Variants in CRPPA observed in about 807,000 individuals in gnomAD.
CRPPA encodes the protein CDP-L-ribitol pyrophosphorylase A, also known as D-ribitol-5-phosphate cytidylyltransferase.
Under a neutral mutation model 52.0 loss-of-function variants are expected in CRPPA, and 43 were observed. The observed-to-expected ratio is 0.83, with a 90% confidence interval of 0.65 to 1.07. CRPPA has a LOEUF of 1.07. Among genes scored for constraint, CRPPA ranks in the 50% least tolerant of loss-of-function variants. The probability of loss-of-function intolerance (pLI) is 0.00; values close to 1 mark genes in which losing one functional copy is unlikely to be tolerated. For missense variants in CRPPA, 629 were observed against 551.7 expected (o/e 1.14, Z -1.40); for synonymous variants, 250 against 203.5 (o/e 1.23, Z -1.94).
In CRPPA at chr7:16,088,220, G is replaced by T. The variant is rs80341455; in HGVS notation, c.*3475C>A. 19 of 152,024 alleles carry T rather than the reference G, an allele frequency of 1.2e-4. No homozygotes were observed. Among genetic ancestry groups the T allele is most frequent in the African/African-American group, 4.3e-4 (18 of 41,386 alleles). 9.4% of individuals were successfully genotyped at this position (152,024 alleles called of 1,614,324 possible). On this transcript the variant is annotated 3_prime_UTR_variant, in exon 10 of 10. Transcript: ENST00000407010. The stretch of plus-strand genomic sequence containing the variant: ...TTTAATTTGCATTTAACTAACTAGC[G>T]TAAGTTTAGAAAGAAAACCATTTTG...
At chr7:16,342,799 C>CAGA (rs1230068209) in intron 3 of CRPPA, among the ~76,000 whole-genome samples, 1 of 104,466 alleles carries the variant, frequency 9.6e-6, no homozygotes. Context: ...ATATATATAT[C>CAGA]TATATAGATA....
chr7:16,389,558 C>G (rs1041385412), intron 2 of CRPPA, among the ~76,000 whole-genome samples: 2 of 152,032 alleles, frequency 1.3e-5, no homozygotes, highest in African/African-American at 4.8e-5. Flanking sequence ...TCCAACACCC[C>G]TTTGTGAGAA....
intron 3 of CRPPA, among the ~76,000 whole-genome samples, chr7:16,359,156 C>G (rs1786379119): frequency 1.3e-5 from 2 of 152,172 alleles, no homozygotes; most frequent in African/African-American, 4.8e-5. Flanking sequence ...GAGTCTCCCT[C>G]TGTCACCCAA....
intron 9 of CRPPA, among the ~76,000 whole-genome samples, chr7:16,149,197 C>A (rs1783028993): frequency 1.3e-5 from 2 of 152,122 alleles, no homozygotes; most frequent in Admixed American, 1.3e-4. Flanking sequence ...TTGGAAGGAA[C>A]TGGGTTGACT....
At chr7:16,368,218 A>C (rs1216866113) in intron 3 of CRPPA, among the ~76,000 whole-genome samples, 1 of 152,212 alleles carries the variant, frequency 6.6e-6, no homozygotes, top group Non-Finnish European at 1.5e-5. Context: ...AATCCACTGG[A>C]CCAATCCGTG....
chr7:16,288,690 T>C (rs1191591213), intron 5 of CRPPA, among the ~76,000 whole-genome samples: 2 of 150,784 alleles, frequency 1.3e-5, no homozygotes, highest in Non-Finnish European at 3.0e-5. Context: ...CTGCTAAACA[T>C]ACAAAAATTA....
intron 9 of CRPPA, among the ~76,000 whole-genome samples, chr7:16,115,312 G>A (rs1183403605): frequency 6.6e-6 from 1 of 152,142 alleles, no homozygotes; most frequent in Non-Finnish European, 1.5e-5. Context: ...GCTATGTTGA[G>A]TAAGATATAT....
chr7:16,395,276 A>G (rs1787541162), intron 2 of CRPPA, among the ~76,000 whole-genome samples: 1 of 152,230 alleles, frequency 6.6e-6, no homozygotes, highest in South Asian at 2.1e-4. Flanking sequence ...AAAATGTGGA[A>G]TAATAAACCC....
chr7:16,394,241 G>C (rs1449381231), intron 2 of CRPPA, among the ~76,000 whole-genome samples: 1 of 152,022 alleles, frequency 6.6e-6, no homozygotes, highest in Non-Finnish European at 1.5e-5. Flanking sequence ...GAAAACAAAT[G>C]TCCATCACCT....
At chr7:16,410,261 T>C (rs1337057971) in intron 1 of CRPPA, among the ~76,000 whole-genome samples, 1 of 152,192 alleles carries the variant, frequency 6.6e-6, no homozygotes, top group Non-Finnish European at 1.5e-5. Flanking sequence ...AAGAACAATC[T>C]GTAGTAAACT....
intron 9 of CRPPA, among the ~76,000 whole-genome samples, chr7:16,206,167 A>G (rs1389259935): frequency 1.3e-5 from 2 of 152,160 alleles, no homozygotes; most frequent in African/African-American, 4.8e-5. Context: ...ATATTTTCAC[A>G]GAAGCATATC....
intron 9 of CRPPA, among the ~76,000 whole-genome samples, chr7:16,189,082 A>G (rs1457017378): frequency 2.6e-5 from 4 of 152,200 alleles, no homozygotes; most frequent in East Asian, 1.9e-4. Context: ...TCTGGTAGAT[A>G]TAAACACACA....
chr7:16,190,681 T>C (rs1007681006), intron 9 of CRPPA, among the ~76,000 whole-genome samples: 6 of 152,126 alleles, frequency 3.9e-5, no homozygotes, highest in South Asian at 2.1e-4. Flanking sequence ...GTAAGTTCTT[T>C]AGCGGTGATT....
intron 4 of CRPPA, among the ~76,000 whole-genome samples, chr7:16,301,983 G>C (rs1784796824): frequency 6.6e-6 from 1 of 152,094 alleles, no homozygotes; most frequent in African/African-American, 2.4e-5. Context: ...GGCTAAAATA[G>C]AAAGAGCCTA....
At chr7:16,398,872 G>A (rs182292775) in intron 2 of CRPPA, among the ~76,000 whole-genome samples, 205 of 152,352 alleles carry the variant, frequency 1.3e-3, no homozygotes, top group African/African-American at 4.2e-3. Flanking sequence ...TGTCCAACAC[G>A]TGACTCACAC....
intron 9 of CRPPA, among the ~76,000 whole-genome samples, chr7:16,124,852 T>A (rs1168946338): frequency 6.6e-6 from 1 of 150,766 alleles, no homozygotes; most frequent in Non-Finnish European, 1.5e-5. Flanking sequence ...AAATGTCAAT[T>A]AAAATAATTT....
At chr7:16,292,818 A>T (rs985210815) in intron 5 of CRPPA, among the ~76,000 whole-genome samples, 1 of 152,014 alleles carries the variant, frequency 6.6e-6, no homozygotes, top group African/African-American at 2.4e-5. Context: ...AGTTCATAAA[A>T]GAGGCCAAAA....
At position 16,397,435 on chromosome 7, in the gene CRPPA, G is replaced by A. The variant is rs918358476; in HGVS notation, c.534+8626C>T. ...TGGACACGTGACTGACACGTGTAAC[G>A]TGTGATGTAACAGACGTGACACGTG... On this transcript the variant is annotated intron_variant, in intron 2 of 9. Transcript: ENST00000407010. 5.3e-5 allele frequency among the ~76,000 whole-genome samples: 8 copies of A among 152,166 alleles called. No individual in the cohort carries two copies. In the East Asian group the frequency reaches 1.6e-3, roughly 30 times the overall value.
At chr7:16,338,443 A>C (rs983814817) in intron 3 of CRPPA, among the ~76,000 whole-genome samples, 3 of 152,184 alleles carry the variant, frequency 2.0e-5, no homozygotes, top group Admixed American at 1.3e-4. Flanking sequence ...CTCAATGGCA[A>C]AGAGTCAAAA....
Sources: gnomAD v4.1 joint callset for allele counts (sites outside exome capture counted in the v4.1 genomes callset) on GRCh38, gnomAD v4.1.1 for gene constraint, MANE v1.5 for transcripts, NCBI Gene and HGNC (gene_info 2026-07-23, HGNC 2026-07-21) for gene names.